The following KIAA1217 variants were observed in gnomAD, a reference collection of about 807,000 sequenced individuals.
KIAA1217 encodes the protein KIAA1217, also known as sickle tail protein homolog.
In KIAA1217, 88 loss-of-function variants were observed where a neutral mutation model predicts 163.9. That is an observed-to-expected ratio of 0.54 (90% CI 0.45 to 0.64). The LOEUF is 0.64. Among genes scored for constraint, KIAA1217 ranks in the 30% least tolerant of loss-of-function variants. KIAA1217 has a pLI of 0.00. For missense variants in KIAA1217, 2,372 were observed against 2,475.0 expected (o/e 0.96, Z 0.88); for synonymous variants, 903 against 923.1 (o/e 0.98, Z 0.39).
At chr10:24,078,027 T>C (rs1358191895) in intron 2 of KIAA1217, among the ~76,000 whole-genome samples, 1 of 152,212 alleles carries the variant, frequency 6.6e-6, no homozygotes, top group African/African-American at 2.4e-5. Context: ...TTGCCTACTT[T>C]TTAATGGGGT....
At chr10:24,224,824 C>CTTTTTTTT (rs1286749568) in intron 2 of KIAA1217, among the ~76,000 whole-genome samples, 7 of 121,026 alleles carry the variant, frequency 5.8e-5, no homozygotes, top group African/African-American at 2.3e-4. Context: ...AATCATTTGA[C>CTTTTTTTT]TTTTTTTTTT....
chr10:24,535,135 C>T (rs1200303602), intron 16 of KIAA1217, among the ~76,000 whole-genome samples: 2 of 152,218 alleles, frequency 1.3e-5, no homozygotes, highest in Non-Finnish European at 2.9e-5. Flanking sequence ...GAAGAAAACA[C>T]AGGCTCTGAA....
chr10:23,795,877 C>T (rs1836175966), intron 1 of KIAA1217, among the ~76,000 whole-genome samples: 1 of 152,168 alleles, frequency 6.6e-6, no homozygotes, highest in Admixed American at 6.5e-5. Flanking sequence ...CTTTTAGTTT[C>T]CATAGGGACC....
chr10:23,957,676 C>T lies in KIAA1217; in HGVS notation c.-320-49549C>T, dbSNP rs865834656. Among the ~76,000 whole-genome samples, 22 of 152,098 alleles carry T rather than the reference C, an allele frequency of 1.4e-4. No homozygotes were observed. In the South Asian group the frequency reaches 2.7e-3, roughly 19 times the overall value. ...GGTGGAGGTTGCAGTGAGCCGAGAT[C>T]GGGCCACTGCACTCCAGTCTGGGTA... On this transcript the variant is annotated intron_variant, in intron 1 of 18. Coordinates refer to the KIAA1217 transcript ENST00000376462.
At chr10:24,451,381 G>A (rs1487032286) in intron 5 of KIAA1217, among the ~76,000 whole-genome samples, 11 of 152,230 alleles carry the variant, frequency 7.2e-5, no homozygotes, top group African/African-American at 4.8e-5. Context: ...TGAAGTTAGG[G>A]CAGCTGGCTC....
At chr10:24,352,544 T>C (rs1192040975) in intron 2 of KIAA1217, among the ~76,000 whole-genome samples, 8 of 152,174 alleles carry the variant, frequency 5.3e-5, no homozygotes, top group African/African-American at 1.7e-4. Context: ...GTTCCATCTG[T>C]TTAGACTCCG....
At chr10:24,417,976 G>A (rs1004032346) in intron 3 of KIAA1217, among the ~76,000 whole-genome samples, 2 of 151,054 alleles carry the variant, frequency 1.3e-5, no homozygotes, top group African/African-American at 4.9e-5. Flanking sequence ...GAGACAGAGT[G>A]TTGCTCTGTC....
intron 1 of KIAA1217, among the ~76,000 whole-genome samples, chr10:23,892,544 C>CT (rs1387888920): frequency 6.6e-6 from 1 of 151,838 alleles, no homozygotes; most frequent in African/African-American, 2.4e-5. Context: ...ACTCTGGCCT[C>CT]TTAAGTCATA....
intron 2 of KIAA1217, among the ~76,000 whole-genome samples, chr10:24,197,668 T>C (rs2067053559): frequency 6.6e-6 from 1 of 152,280 alleles, no homozygotes. Flanking sequence ...GCCTTCTTTT[T>C]ATCTTTATAA....
intron 1 of KIAA1217, among the ~76,000 whole-genome samples, chr10:23,807,927 C>A (rs1366406227): frequency 6.6e-6 from 1 of 152,168 alleles, no homozygotes; most frequent in Admixed American, 6.5e-5. Context: ...GAGCTACAGG[C>A]ACCAAGCCAG....
At chr10:24,208,983 G>A (rs2067734860), upstream of KIAA1217, 3 of 558,990 alleles carry the variant, frequency 5.4e-6, no homozygotes, top group Non-Finnish European at 9.6e-6. Flanking sequence ...GGAGGGCCAG[G>A]GGCAGGGGAG....
At chr10:24,046,088 C>CATTT (rs143012973) in intron 2 of KIAA1217, among the ~76,000 whole-genome samples, 4,025 of 151,448 alleles carry the variant, frequency 0.027, 87 homozygotes, top group African/African-American at 0.055. Flanking sequence ...GTCCTGATTT[C>CATTT]ATTTATTTAT....
At chr10:24,530,960 T>G (rs936015909) in intron 14 of KIAA1217, among the ~76,000 whole-genome samples, 1 of 151,708 alleles carries the variant, frequency 6.6e-6, no homozygotes, top group Non-Finnish European at 1.5e-5. Context: ...TTTGGGAGGC[T>G]GAGGCAGACA....
At chr10:24,458,780 C>T (rs1162575121) in intron 5 of KIAA1217, among the ~76,000 whole-genome samples, 1 of 152,134 alleles carries the variant, frequency 6.6e-6, no homozygotes, top group Non-Finnish European at 1.5e-5. Flanking sequence ...TCCATCTTCT[C>T]TTGGCAGATT....
At chr10:24,000,751 C>G (rs1429437149) in intron 1 of KIAA1217, among the ~76,000 whole-genome samples, 1 of 152,220 alleles carries the variant, frequency 6.6e-6, no homozygotes, top group Non-Finnish European at 1.5e-5. Flanking sequence ...CAGATTTATT[C>G]AAGTACACAG....
chr10:23,738,483 A>C (rs1564379645), intron 1 of KIAA1217, among the ~76,000 whole-genome samples: 1 of 152,192 alleles, frequency 6.6e-6, no homozygotes, highest in Non-Finnish European at 1.5e-5. Flanking sequence ...CTACAATTAT[A>C]AATTGATTTT....
chr10:24,473,790 C>CTT lies in KIAA1217; in HGVS notation c.1409_1410insTT (p.Pro471TyrfsTer12). On this transcript the variant is annotated frameshift_variant, in exon 6 of 21. Coordinates refer to ENST00000376454, the MANE Select transcript of KIAA1217 (RefSeq NM_019590.5). LOFTEE classifies it high-confidence loss of function. ...CATTTGCCTACACTGGGCTCCAAAA[C>CTT]ACCCCCTGCCTCTCCTCACAGAGTC... 1 of 1,614,138 alleles carries CTT rather than the reference C, an allele frequency of 6.2e-7. No homozygotes were observed. Among genetic ancestry groups the CTT allele is most frequent in the Non-Finnish European group, 8.5e-7 (1 of 1,180,036 alleles).
At chr10:23,796,555 G>A (rs1284042351) in intron 1 of KIAA1217, among the ~76,000 whole-genome samples, 1 of 151,994 alleles carries the variant, frequency 6.6e-6, no homozygotes, top group African/African-American at 2.4e-5. Flanking sequence ...TAGAGTTGGG[G>A]TTTCACCATG....
intron 1 of KIAA1217, among the ~76,000 whole-genome samples, chr10:23,964,316 G>A (rs892219396): frequency 3.6e-5 from 5 of 139,656 alleles, no homozygotes; most frequent in African/African-American, 1.3e-4. Flanking sequence ...TTGTAAATTT[G>A]TTTAAGTTCC....
Sources: allele counts gnomAD v4.1 joint callset (sites outside exome capture counted in the v4.1 genomes callset), GRCh38; gene constraint gnomAD v4.1.1; transcripts MANE v1.5; gene names NCBI Gene and HGNC (gene_info 2026-07-23, HGNC 2026-07-21).